KMT2C: variants seen among roughly 807,000 people sequenced by gnomAD.
The protein encoded by KMT2C is histone-lysine N-methyltransferase 2C.
A neutral mutation model predicts 507.9 loss-of-function variants in KMT2C; 88 were observed. The observed-to-expected ratio is 0.17, with a 90% CI of 0.15 to 0.21. KMT2C has a LOEUF of 0.21. Among genes scored for constraint, KMT2C ranks in the 10% least tolerant of loss-of-function variants. The pLI is 1.00. For missense variants in KMT2C, 4,954 were observed against 5,957.8 expected (o/e 0.83, Z 5.55); for synonymous variants, 2,049 against 2,080.8 (o/e 0.98, Z 0.42).
At position 152,315,148 on chromosome 7, in the gene KMT2C, C is replaced by T. The variant is rs764829861; in HGVS notation, c.580G>A (p.Gly194Arg). Residue 194 changes from glycine to arginine, a missense_variant, in exon 4 of 59, where the codon GGA (glycine) becomes AGA (arginine). Transcript: ENST00000262189. ...MQNSAPRKQR[G>R]QRKERSPQQN... ...GTCGAAACTGCTTACTTTCTCTGTC[C>T]TCTTTGTTTTCGTGGTGCTGAGTTT... 1 of 1,613,764 alleles carries T rather than the reference C, an allele frequency of 6.2e-7. No individual in the cohort carries two copies. Among genetic ancestry groups the T allele is most frequent in the South Asian group, 1.1e-5 (1 of 91,070 alleles).
At chr7:152,349,780 A>T (rs1239982007) in intron 2 of KMT2C, among the ~76,000 whole-genome samples, 1 of 152,110 alleles carries the variant, frequency 6.6e-6, no homozygotes, top group Non-Finnish European at 1.5e-5. Context: ...CCTTATGTGA[A>T]CTATAAACTG....
At chr7:152,183,479 G>A (rs2093499779) in intron 34 of KMT2C, among the ~76,000 whole-genome samples, 1 of 152,144 alleles carries the variant, frequency 6.6e-6, no homozygotes, top group African/African-American at 2.4e-5. Flanking sequence ...GAAGGGGCTG[G>A]GGCCAGGCAT....
At position 152,149,065 on chromosome 7, in the gene KMT2C, C is replaced by A. The variant is rs1448776101; in HGVS notation, c.12862G>T (p.Asp4288Tyr). 6.6e-7 allele frequency: 1 copy of A among 1,524,708 alleles called. No individual in the cohort carries two copies. The highest frequency in any genetic ancestry group is 8.8e-7 in the Non-Finnish European group (1 of 1,140,258). The allele number at this position is 1,524,708 out of a possible 1,614,324, so 94.4% of individuals were successfully genotyped here. The change falls in exon 52 of 59, where the codon GAT becomes TAT. Residue 4288 changes from aspartate to tyrosine, a missense_variant. Physicochemically the swap from Asp to Tyr is radical, Grantham distance 160. Transcript: ENST00000262189. ...HQYSNNISTL[D>Y]VHCLPQLPEK... ...GGGAGCTGGGGGAGACAGTGCACAT[C>A]CAAAGTGGAGATGTTGTTGCTGTAC...
In KMT2C at chr7:152,148,539, A is replaced by T. The variant is rs756101885; in HGVS notation, c.13388T>A (p.Val4463Asp). ...AGTGGCACCCGTCTTGTGACAGAAG[A>T]CACATTTCATTTGTAGGCCTCTCCT... ...ALRRGLQMKC[V>D]FCHKTGATSG... The change falls in exon 52 of 59, where the codon GTC (valine) becomes GAC (aspartate). Residue 4463 changes from valine (V) to aspartate (D), a missense_variant. Coordinates refer to ENST00000262189, the MANE Select transcript of KMT2C (RefSeq NM_170606.3). The surrounding 1 kb of genome is among the most constrained non-coding windows in gnomAD (Gnocchi z 7.1). 2 of 1,614,134 alleles carry T rather than the reference A, an allele frequency of 1.2e-6. No individual in the cohort carries two copies. Among genetic ancestry groups the T allele is most frequent in the East Asian group, 2.2e-5 (1 of 44,894 alleles).
chr7:152,298,652 C>T (rs4024471), intron 6 of KMT2C, among the ~76,000 whole-genome samples: 4 of 152,188 alleles, frequency 2.6e-5, no homozygotes, highest in African/African-American at 9.6e-5. Flanking sequence ...AGGATATTCT[C>T]CAGAAACAAA....
chr7:152,196,196 A>G (rs972335846), intron 27 of KMT2C, among the ~76,000 whole-genome samples, 185 bp from the exon 28 acceptor site: 6 of 152,240 alleles, frequency 3.9e-5, no homozygotes, highest in South Asian at 2.1e-4. Flanking sequence ...ACAAAAATTT[A>G]CTAAAAATTC....
Position 152,435,945 on chromosome 7 carries a change from G to A in KMT2C, c.-159C>T. On this transcript the variant is annotated 5_prime_UTR_variant, in exon 1 of 59. Transcript: ENST00000262189. ...GGAGCAGCAGCAGGTACCGGGAGAG[G>A]CGGCAACATGGAGCGAGCAGGACAC... The A allele has an allele frequency of 1.5e-6, 1 of 677,618 alleles. No homozygotes were observed. Among genetic ancestry groups the A allele is most frequent in the Non-Finnish European group, 2.2e-6 (1 of 445,074 alleles). The allele number at this position is 677,618 out of a possible 1,614,324, so 42.0% of individuals were successfully genotyped here.
intron 6 of KMT2C, among the ~76,000 whole-genome samples, chr7:152,308,844 A>G (rs989437645): frequency 6.6e-6 from 1 of 152,106 alleles, no homozygotes; most frequent in Non-Finnish European, 1.5e-5. Context: ...AAGAAAAAAG[A>G]AAAAGAAAAG....
intron 23 of KMT2C, among the ~76,000 whole-genome samples, chr7:152,208,924 G>T (rs1490089639): frequency 1.3e-5 from 2 of 151,966 alleles, no homozygotes; most frequent in African/African-American, 2.4e-5. Flanking sequence ...CCAGCACTTT[G>T]GGAGGCTAAA....
At chr7:152,295,377 T>C (rs929805415) in intron 6 of KMT2C, among the ~76,000 whole-genome samples, 2 of 152,182 alleles carry the variant, frequency 1.3e-5, no homozygotes, top group Non-Finnish European at 2.9e-5. Flanking sequence ...CCTAGTATTC[T>C]CTACCCTACT....
chr7:152,174,733 A>C (rs142421734), intron 38 of KMT2C, among the ~76,000 whole-genome samples: 4 of 152,330 alleles, frequency 2.6e-5, no homozygotes, highest in African/African-American at 9.6e-5. Flanking sequence ...AATTGGGGAT[A>C]TATAAAATGG....
chr7:152,234,525 A>C (rs1052204673), intron 16 of KMT2C, among the ~76,000 whole-genome samples: 1 of 152,226 alleles, frequency 6.6e-6, no homozygotes, highest in African/African-American at 2.4e-5. Flanking sequence ...CAGAAAACTG[A>C]AGAGGAGAAT....
intron 1 of KMT2C, among the ~76,000 whole-genome samples, chr7:152,394,347 C>T (rs1419063914): frequency 6.6e-6 from 1 of 152,310 alleles, no homozygotes; most frequent in Non-Finnish European, 1.5e-5. Flanking sequence ...TCTGACTCCC[C>T]ACGCTACTTC....
Position 152,187,727 on chromosome 7 carries a change from T to A in KMT2C, c.4781A>T (p.Tyr1594Phe). ...GTFSAIAQSS[Y>F]PDARDKNSAF... Reference sequence around the variant, plus strand: ...ATAAGGCTTGTACCTGGCATCAGGATAAGAGGATTGTGCAATTGCAGAGAA... The same window carrying A: ...ATAAGGCTTGTACCTGGCATCAGGAAAAGAGGATTGTGCAATTGCAGAGAA... The change falls in exon 32 of 59, where the codon TAT (tyrosine) becomes TTT (phenylalanine). Residue 1594 changes from tyrosine to phenylalanine, a missense_variant. Transcript: ENST00000262189. 7 of 1,614,062 alleles carry A rather than the reference T, an allele frequency of 4.3e-6. No homozygotes were observed. Among genetic ancestry groups the A allele is most frequent in the Non-Finnish European group, 5.9e-6 (7 of 1,180,004 alleles).
chr7:152,393,503 T>C (rs1442959651), intron 1 of KMT2C, among the ~76,000 whole-genome samples: 1 of 152,174 alleles, frequency 6.6e-6, no homozygotes, highest in African/African-American at 2.4e-5. Context: ...ACTCACAACC[T>C]GTTCCTTACA....
chr7:152,256,654 A>C (rs776125469), intron 9 of KMT2C, among the ~76,000 whole-genome samples: 22 of 152,222 alleles, frequency 1.4e-4, no homozygotes, highest in Non-Finnish European at 1.9e-4. Flanking sequence ...ACTTATAAAG[A>C]ACTCTTAAAT....
chr7:152,427,405 T>C (rs1463189747), intron 1 of KMT2C, among the ~76,000 whole-genome samples: 1 of 152,252 alleles, frequency 6.6e-6, no homozygotes, highest in African/African-American at 2.4e-5. Context: ...TTTCACAAAA[T>C]AAAGTTACTG....
chr7:152,156,881 A>G (rs1485321464), intron 44 of KMT2C, among the ~76,000 whole-genome samples: 2 of 152,132 alleles, frequency 1.3e-5, no homozygotes, highest in African/African-American at 4.8e-5. Flanking sequence ...CTAAATCATT[A>G]ATGTAGTTCC....
intron 6 of KMT2C, among the ~76,000 whole-genome samples, chr7:152,294,828 T>C (rs2096474113): frequency 6.6e-6 from 1 of 152,216 alleles, no homozygotes; most frequent in Admixed American, 6.5e-5. Context: ...CTGTAACTTA[T>C]TCTGTGTTAA....
Sources: allele counts gnomAD v4.1 joint callset (sites outside exome capture counted in the v4.1 genomes callset), GRCh38; gene constraint gnomAD v4.1.1; non-coding constraint Gnocchi (gnomAD v3.1); transcripts MANE v1.5; gene names NCBI Gene and HGNC (gene_info 2026-07-23, HGNC 2026-07-21).